FAM120B: variants seen among roughly 807,000 people sequenced by gnomAD.
FAM120B encodes family with sequence similarity 120 member B.
A neutral mutation model predicts 96.3 loss-of-function variants in FAM120B; 83 were observed. That is an observed-to-expected ratio of 0.86 (90% CI 0.72 to 1.03). The LOEUF (loss-of-function observed/expected upper bound fraction) is 1.03. Among genes scored for constraint, FAM120B ranks in the 50% least tolerant of loss-of-function variants. The pLI is 0.00. For synonymous variants in FAM120B, 407 were observed against 402.7 expected, an observed-to-expected ratio of 1.01 and a Z score of -0.13; for missense variants, 1,027 against 1,121.2, an observed-to-expected ratio of 0.92 and a Z score of 1.20.
intron 5 of FAM120B, among the ~76,000 whole-genome samples, chr6:170,352,926 TA>T (rs953311637): frequency 1.1e-4 from 17 of 149,320 alleles, no homozygotes; most frequent in African/African-American, 2.7e-4. Flanking sequence ...AAAAACCTTT[TA>T]AAAAAAAATC....
chr6:170,391,496 C>G (rs1790476069), intron 8 of FAM120B, among the ~76,000 whole-genome samples: 1 of 151,878 alleles, frequency 6.6e-6, no homozygotes, highest in South Asian at 2.1e-4. Flanking sequence ...GATCACGTCA[C>G]TGCACTCCAG....
intron 6 of FAM120B, among the ~76,000 whole-genome samples, chr6:170,387,688 C>T (rs1442612111): frequency 6.6e-6 from 1 of 152,180 alleles, no homozygotes; most frequent in Admixed American, 6.5e-5. Context: ...GCCTATCAAC[C>T]TAGTGAGATA....
chr6:170,379,077 G>A (rs1269667466), intron 6 of FAM120B, among the ~76,000 whole-genome samples: 1 of 152,144 alleles, frequency 6.6e-6, no homozygotes, highest in Non-Finnish European at 1.5e-5. Context: ...TGGAACGAAG[G>A]AATGACATGA....
At chr6:170,293,456 C>G (rs1271423536), upstream of FAM120B, among the ~76,000 whole-genome samples, 1 of 152,266 alleles carries the variant, frequency 6.6e-6, no homozygotes, top group African/African-American at 2.4e-5. Flanking sequence ...ACAAACCCCC[C>G]TCAGTATCAA....
At chr6:170,337,516 T>A (rs1369311726) in intron 4 of FAM120B, among the ~76,000 whole-genome samples, 1 of 124,410 alleles carries the variant, frequency 8.0e-6, no homozygotes, top group East Asian at 2.0e-4. Flanking sequence ...TCTCTGCCAG[T>A]TTTGGTATCA....
At chr6:170,362,210 A>G (rs1788503391) in intron 6 of FAM120B, among the ~76,000 whole-genome samples, 1 of 152,222 alleles carries the variant, frequency 6.6e-6, no homozygotes, top group Non-Finnish European at 1.5e-5. Flanking sequence ...AGGTAGAGAC[A>G]GGGCAGAAGA....
intron 9 of FAM120B, among the ~76,000 whole-genome samples, chr6:170,397,603 C>T (rs1001396792): frequency 4.6e-5 from 7 of 152,090 alleles, no homozygotes; most frequent in East Asian, 1.9e-4. Context: ...GTCTGCAGAC[C>T]GACCACATCC....
At position 170,317,986 on chromosome 6, in the gene FAM120B, A is replaced by G. The variant is rs780946023; in HGVS notation, c.596A>G (p.Glu199Gly). The G allele has an allele frequency of 1.2e-6, 2 of 1,613,856 alleles. No homozygotes were observed. Among genetic ancestry groups the G allele is most frequent in the Non-Finnish European group, 1.7e-6 (2 of 1,179,796 alleles). The change falls in exon 2 of 11, where the codon GAG becomes GGG. Residue 199 changes from glutamate to glycine, a missense_variant. Physicochemically the swap from Glu to Gly is moderately conservative, Grantham distance 98. This residue lies in a region of FAM120B where 880 missense variants were observed against 980.9 expected (regional missense o/e 0.90). Coordinates refer to ENST00000476287, the MANE Select transcript of FAM120B (RefSeq NM_032448.3). ...TTTTCAATTAGCGAGCTCTGCCTAGAGAGCCTGGACACCGTCATGCTCTGC... is the reference window on the plus strand; with the variant it reads ...TTTTCAATTAGCGAGCTCTGCCTAGGGAGCCTGGACACCGTCATGCTCTGC... The part of the protein sequence containing the change: ...PYFSISELCL[E>G]SLDTVMLCRE...
upstream of FAM120B, among the ~76,000 whole-genome samples, chr6:170,291,604 G>T (rs1183190632): frequency 1.3e-5 from 2 of 152,214 alleles, no homozygotes; most frequent in African/African-American, 4.8e-5. Flanking sequence ...CTGCCAGAGC[G>T]AAGCGGCAGT....
intron 6 of FAM120B, among the ~76,000 whole-genome samples, chr6:170,385,500 G>A (rs1437818551): frequency 6.6e-6 from 1 of 152,202 alleles, no homozygotes; most frequent in Admixed American, 6.5e-5. Context: ...AACAAATGGA[G>A]AATAGAGAAA....
chr6:170,292,983 C>G (rs1783919640), upstream of FAM120B, among the ~76,000 whole-genome samples: 1 of 152,172 alleles, frequency 6.6e-6, no homozygotes, highest in Non-Finnish European at 1.5e-5. The surrounding 1 kb of genome is among the most constrained non-coding windows in gnomAD (Gnocchi z 6.6). Flanking sequence ...AAGATGCTGC[C>G]ACCCCCATGA....
At chr6:170,290,853 G>A (rs1006655512), upstream of FAM120B, 50 of 653,350 alleles carry the variant, frequency 7.7e-5, no homozygotes, top group Non-Finnish European at 1.2e-4. This position sits in a 1 kb window ranked among gnomAD's most constrained non-coding sequence, Gnocchi z 4.7. Context: ...AGGAGGCTCT[G>A]CGCCGCGGCT....
chr6:170,398,615 C>T (rs1348086180), intron 9 of FAM120B, among the ~76,000 whole-genome samples: 1 of 134,846 alleles, frequency 7.4e-6, no homozygotes, highest in Non-Finnish European at 1.6e-5. Context: ...TGTCTTAACT[C>T]TTCGGAGTGA....
At chr6:170,330,346 G>A in intron 3 of FAM120B, 103 bp from the exon 4 acceptor site, 1 of 749,608 alleles carries the variant, frequency 1.3e-6, no homozygotes, top group Non-Finnish European at 2.3e-6. Flanking sequence ...GGATTTGAGA[G>A]CTCACCTTTG....
At chr6:170,377,734 CTGGGAGAA>C (rs1175616841) in intron 6 of FAM120B, among the ~76,000 whole-genome samples, 5 of 139,520 alleles carry the variant, frequency 3.6e-5, no homozygotes, top group East Asian at 2.2e-4. Flanking sequence ...TCCCAGACGC[CTGGGAGAA>C]CACAGGCTCA....
At chr6:170,340,839 G>T (rs1016975411) in intron 4 of FAM120B, among the ~76,000 whole-genome samples, 15 of 152,320 alleles carry the variant, frequency 9.8e-5, no homozygotes, top group Middle Eastern at 3.4e-3. Context: ...AAATATTGCT[G>T]CCTGCTCCTT....
chr6:170,376,478 GGGGGT>G (rs1789523225), intron 6 of FAM120B, among the ~76,000 whole-genome samples: 1 of 151,950 alleles, frequency 6.6e-6, no homozygotes, highest in South Asian at 2.1e-4. Context: ...CGAGGAACAC[GGGGGT>G]GGGGGGGAGG....
chr6:170,317,091 A>G (rs1784947019), intron 1 of FAM120B, among the ~76,000 whole-genome samples: 1 of 152,220 alleles, frequency 6.6e-6, no homozygotes, highest in Non-Finnish European at 1.5e-5. Flanking sequence ...TTTTATCAAG[A>G]AATACCTTGA....
At chr6:170,296,220 C>G (rs1411268942) in intron 1 of FAM120B, among the ~76,000 whole-genome samples, 19 of 151,646 alleles carry the variant, frequency 1.3e-4, no homozygotes, top group Admixed American at 1.3e-4. Context: ...GCTGGGGGGC[C>G]GGGTGTTGGG....
Sources: gnomAD v4.1 joint callset for allele counts (sites outside exome capture counted in the v4.1 genomes callset) on GRCh38, gnomAD v4.1.1 for gene constraint, gnomAD v4.1.1 regional missense constraint, Gnocchi (gnomAD v3.1) non-coding constraint, MANE v1.5 for transcripts, NCBI Gene and HGNC (gene_info 2026-07-23, HGNC 2026-07-21) for gene names.